DLC1: variants seen among roughly 807,000 people sequenced by gnomAD.
The protein encoded by DLC1 is rho GTPase-activating protein 7.
A neutral mutation model predicts 140.3 loss-of-function variants in DLC1; 54 were observed. The ratio of observed to expected loss-of-function variants is 0.38; its 90% CI spans 0.31 to 0.48. The LOEUF (loss-of-function observed/expected upper bound fraction) is 0.48, where lower values mean the gene tolerates loss of function less well. Ranked by LOEUF, DLC1 falls within the 20% of genes least tolerant of loss-of-function variation. The probability of loss-of-function intolerance (pLI) is 0.96; values close to 1 mark genes in which losing one functional copy is unlikely to be tolerated. For synonymous variants in DLC1, 986 were observed against 728.1 expected (o/e 1.35, Z -5.70); for missense variants, 2,536 against 1,907.0 (o/e 1.33, Z -6.14).
At chr8:13,586,593 ACAC>A (rs1805324278) in intron 1 of DLC1, among the ~76,000 whole-genome samples, 1 of 72,132 alleles carries the variant, frequency 1.4e-5, no homozygotes, top group East Asian at 1.2e-3. Flanking sequence ...GCACATGCAC[ACAC>A]ACACACACAC....
At chr8:13,383,454 A>T (rs1200625871) in intron 4 of DLC1, among the ~76,000 whole-genome samples, 1 of 152,094 alleles carries the variant, frequency 6.6e-6, no homozygotes, top group African/African-American at 2.4e-5. Context: ...CCTGGATCTG[A>T]TTTATTTAAC....
chr8:13,166,789 T>C (rs1825136364), intron 5 of DLC1, among the ~76,000 whole-genome samples: 1 of 152,198 alleles, frequency 6.6e-6, no homozygotes, highest in South Asian at 2.1e-4. Context: ...TAATCCCAGT[T>C]CATACTAAGT....
chr8:13,273,795 A>C (rs1831052490), intron 5 of DLC1, among the ~76,000 whole-genome samples: 1 of 151,496 alleles, frequency 6.6e-6, no homozygotes. Flanking sequence ...AGAATGAATA[A>C]GAATATACCT....
At chr8:13,272,183 C>T (rs772808997) in intron 5 of DLC1, among the ~76,000 whole-genome samples, 2 of 152,198 alleles carry the variant, frequency 1.3e-5, no homozygotes, top group African/African-American at 4.8e-5. Flanking sequence ...CCCAGTGGCT[C>T]ATGCCTGTAA....
At chr8:13,208,184 G>A (rs1051248292) in intron 5 of DLC1, among the ~76,000 whole-genome samples, 10 of 152,070 alleles carry the variant, frequency 6.6e-5, no homozygotes, top group Middle Eastern at 3.4e-3. Flanking sequence ...ATTGTTTTTA[G>A]GTACTAAACT....
intron 4 of DLC1, among the ~76,000 whole-genome samples, chr8:13,361,802 C>T (rs188008736): frequency 1.3e-5 from 2 of 152,270 alleles, no homozygotes; most frequent in East Asian, 3.9e-4. Flanking sequence ...CTGAAAAGGG[C>T]TGACAGTAGG....
At chr8:13,235,150 C>G (rs548164988) in intron 5 of DLC1, among the ~76,000 whole-genome samples, 36 of 152,040 alleles carry the variant, frequency 2.4e-4, no homozygotes, top group Non-Finnish European at 5.0e-4. Context: ...CATTTTATAT[C>G]TATTTAGCTG....
At chr8:13,377,213 T>C (rs896572177) in intron 4 of DLC1, among the ~76,000 whole-genome samples, 4 of 152,200 alleles carry the variant, frequency 2.6e-5, no homozygotes, top group African/African-American at 9.6e-5. Context: ...GCATAAAGAC[T>C]GACACATAAG....
chr8:13,105,483 AC>A (rs1446377383), intron 7 of DLC1, among the ~76,000 whole-genome samples: 1 of 151,976 alleles, frequency 6.6e-6, no homozygotes, highest in Non-Finnish European at 1.5e-5. Flanking sequence ...CCTAGATTTT[AC>A]AGATGAGGAA....
intron 5 of DLC1, among the ~76,000 whole-genome samples, chr8:13,119,551 T>C (rs1462655982): frequency 2.0e-5 from 3 of 152,192 alleles, no homozygotes; most frequent in Non-Finnish European, 4.4e-5. Flanking sequence ...CGCTAGTGCA[T>C]ATTAGTTCAT....
In DLC1 at chr8:13,393,689, A is replaced by C. The variant is rs1281095292; in HGVS notation, c.1178T>G (p.Leu393Arg). ...PTNLRRHVPDLESGSESGADT... is the reference protein window; with the variant it reads ...PTNLRRHVPDRESGSESGADT... ...TGCTCCACTTTCAGATCCTGATTCC[A>C]GATCCTATTAAAAAACAAATGCACT... Residue 393 changes from leucine to arginine, a missense_variant, in exon 4 of 18, where the codon CTG becomes CGG. By Grantham distance (102) the Leu-to-Arg change is moderately radical. Coordinates refer to ENST00000276297, the MANE Select transcript of DLC1 (RefSeq NM_182643.3). 1 of 1,612,462 alleles carries C rather than the reference A, an allele frequency of 6.2e-7. No individual in the cohort carries two copies. The highest frequency in any genetic ancestry group is 8.5e-7 in the Non-Finnish European group (1 of 1,179,542).
intron 2 of DLC1, among the ~76,000 whole-genome samples, chr8:13,469,660 A>G (rs1800114418): frequency 6.6e-6 from 1 of 152,226 alleles, no homozygotes; most frequent in Non-Finnish European, 1.5e-5. Context: ...TCTGTGTTTG[A>G]AGGTTAAGAT....
At chr8:13,308,389 G>C (rs1832542459) in intron 4 of DLC1, among the ~76,000 whole-genome samples, 1 of 152,122 alleles carries the variant, frequency 6.6e-6, no homozygotes, top group Non-Finnish European at 1.5e-5. Flanking sequence ...TTCTTTTTAA[G>C]AGTAAAACCA....
chr8:13,555,883 G>A (rs193153979), intron 1 of DLC1, among the ~76,000 whole-genome samples: 1 of 152,054 alleles, frequency 6.6e-6, no homozygotes, highest in East Asian at 1.9e-4. Context: ...TGCATACATA[G>A]GGTTTCATCA....
At chr8:13,361,724 A>G (rs1457748034) in intron 4 of DLC1, among the ~76,000 whole-genome samples, 2 of 152,202 alleles carry the variant, frequency 1.3e-5, no homozygotes, top group Admixed American at 6.5e-5. Flanking sequence ...AGTTTTCCCT[A>G]CCAAAATCTA....
At chr8:13,493,479 A>G (rs1801357593) in intron 2 of DLC1, among the ~76,000 whole-genome samples, 1 of 152,218 alleles carries the variant, frequency 6.6e-6, no homozygotes, top group African/African-American at 2.4e-5. Context: ...ATGTTTTGAT[A>G]CATACAATGT....
intron 10 of DLC1, among the ~76,000 whole-genome samples, chr8:13,097,487 C>T (rs911706755): frequency 1.3e-5 from 2 of 152,186 alleles, no homozygotes; most frequent in Non-Finnish European, 2.9e-5. Flanking sequence ...TGGTCTCAAA[C>T]TCCTGGCGTC....
chr8:13,480,270 T>C (rs950120454), intron 2 of DLC1, among the ~76,000 whole-genome samples: 1 of 151,992 alleles, frequency 6.6e-6, no homozygotes, highest in African/African-American at 2.4e-5. Flanking sequence ...TAAAAATATA[T>C]GCACGACAAT....
At chr8:13,439,549 A>G (rs536995417) in intron 2 of DLC1, among the ~76,000 whole-genome samples, 1 of 152,028 alleles carries the variant, frequency 6.6e-6, no homozygotes, top group Admixed American at 6.6e-5. Context: ...TGCAATTAGT[A>G]TTTGGACCAA....
Sources: allele counts gnomAD v4.1 joint callset (sites outside exome capture counted in the v4.1 genomes callset), GRCh38; gene constraint gnomAD v4.1.1; transcripts MANE v1.5; gene names NCBI Gene and HGNC (gene_info 2026-07-23, HGNC 2026-07-21).